The following EGFR variants were observed in gnomAD, a reference collection of about 807,000 sequenced individuals.
The protein encoded by EGFR is epidermal growth factor receptor.
In EGFR, 58 loss-of-function variants were observed where a neutral mutation model predicts 143.0. The observed-to-expected ratio is 0.41, with a 90% CI of 0.33 to 0.50. EGFR has a LOEUF of 0.50. EGFR is among the 20% of genes least tolerant of loss of function. EGFR has a pLI of 0.39. For missense variants in EGFR, 1,307 were observed against 1,579.0 expected, an observed-to-expected ratio of 0.83 and a Z score of 2.92; for synonymous variants, 613 against 594.4, an observed-to-expected ratio of 1.03 and a Z score of -0.45.
intron 1 of EGFR, among the ~76,000 whole-genome samples, chr7:55,052,869 C>T (rs1436576896): frequency 6.6e-6 from 1 of 152,126 alleles, no homozygotes; most frequent in Non-Finnish European, 1.5e-5. Context: ...GGCAGGAGCT[C>T]GCACAGCTCT....
At chr7:55,168,782 G>T in intron 15 of EGFR, 2 of 526,646 alleles carry the variant, frequency 3.8e-6, no homozygotes, top group Non-Finnish European at 6.4e-6. Context: ...GGAATTACAC[G>T]ATAGAAATGG....
At chr7:55,159,980 C>T (rs1243651944) in intron 11 of EGFR, among the ~76,000 whole-genome samples, 159 bp from the exon 12 acceptor site, 1 of 152,234 alleles carries the variant, frequency 6.6e-6, no homozygotes, top group Non-Finnish European at 1.5e-5. Flanking sequence ...AAAACACCTG[C>T]AGTTTTCAAA....
chr7:55,188,395 G>A (rs948634269), intron 20 of EGFR, among the ~76,000 whole-genome samples: 2 of 152,272 alleles, frequency 1.3e-5, no homozygotes, highest in African/African-American at 2.4e-5. Context: ...TCACTCTGGG[G>A]TACCCTGCCA....
intron 20 of EGFR, among the ~76,000 whole-genome samples, chr7:55,184,323 T>G (rs1441299900): frequency 3.3e-5 from 5 of 152,228 alleles, no homozygotes; most frequent in Admixed American, 6.5e-5. Context: ...TCTACATCTG[T>G]GCCAACCCTC....
chr7:55,152,313 G>T (rs762221280), intron 5 of EGFR: 13 of 720,886 alleles, frequency 1.8e-5, no homozygotes, highest in Non-Finnish European at 3.1e-5. Context: ...TATTTAGCAG[G>T]TCTCAAAGTC....
At chr7:55,039,325 A>C (rs1285704277) in intron 1 of EGFR, among the ~76,000 whole-genome samples, 1 of 152,200 alleles carries the variant, frequency 6.6e-6, no homozygotes, top group Non-Finnish European at 1.5e-5. Flanking sequence ...CTGTCCTGTG[A>C]TGCTGTAAGG....
At position 55,121,158 on chromosome 7, in the gene EGFR, A is replaced by G. The variant is rs17336226; in HGVS notation, c.89-21128A>G. Among the ~76,000 whole-genome samples, 827 of 152,344 alleles carry G rather than the reference A, an allele frequency of 5.4e-3. 9 individuals carry two copies. Among genetic ancestry groups the G allele is most frequent in the African/African-American group, 0.019 (799 of 41,592 alleles). On this transcript the variant is annotated intron_variant, in intron 1 of 27. Transcript: ENST00000275493. ...TAGCATGAAAACAAGAGCTCCTCAC[A>G]CTGTCCTCTTCAGAAAGCCCATACA...
In EGFR at chr7:55,175,526, C is replaced by T. The variant is rs190998850; in HGVS notation, c.2283+706C>T. Among the ~76,000 whole-genome samples, 8 of 152,318 alleles carry T rather than the reference C, an allele frequency of 5.3e-5. No homozygotes were observed. The East Asian group carries it at 5.8e-4, about 11-fold the overall frequency. ...GATGCTGGCTGGAGTCTGACAGAGC[C>T]TCTTCTACACTGGCCTGGGCTTGCT... On this transcript the variant is annotated intron_variant, in intron 19 of 27. Transcript: ENST00000275493.
intron 1 of EGFR, among the ~76,000 whole-genome samples, chr7:55,057,022 A>G (rs1456687072): frequency 2.6e-5 from 4 of 152,210 alleles, no homozygotes; most frequent in Admixed American, 6.5e-5. Context: ...TGAAGGCACA[A>G]GGATGCGCAG....
At chr7:55,052,419 A>G (rs73420783) in intron 1 of EGFR, among the ~76,000 whole-genome samples, 6,604 of 152,304 alleles carry the variant, frequency 0.043, 273 homozygotes, top group South Asian at 0.13. Flanking sequence ...CGCCCACTTT[A>G]GAGCCCTTCT....
chr7:55,084,365 C>A lies in EGFR; in HGVS notation c.89-57921C>A, dbSNP rs201851311. 1.8e-4 allele frequency among the ~76,000 whole-genome samples: 27 copies of A among 152,316 alleles called. No individual in the cohort carries two copies. In the East Asian group the frequency reaches 4.1e-3, roughly 23 times the overall value. On this transcript the variant is annotated intron_variant, in intron 1 of 27. Coordinates refer to ENST00000275493, the MANE Select transcript of EGFR (RefSeq NM_005228.5). ...TAGCATGGCCGCCTGCTTCTCCAGGCCCAGTGGGAAAGCATGTGCCTCCAG... is the reference window on the plus strand; with the variant it reads ...TAGCATGGCCGCCTGCTTCTCCAGGACCAGTGGGAAAGCATGTGCCTCCAG...
At chr7:55,204,711 C>T (rs887119751) in intron 27 of EGFR, among the ~76,000 whole-genome samples, 2 of 146,002 alleles carry the variant, frequency 1.4e-5, no homozygotes, top group African/African-American at 5.1e-5. Flanking sequence ...AGACACACCA[C>T]ATACACACCC....
intron 1 of EGFR, among the ~76,000 whole-genome samples, chr7:55,036,991 C>T (rs898582393): frequency 6.6e-6 from 1 of 152,138 alleles, no homozygotes; most frequent in Non-Finnish European, 1.5e-5. Context: ...AAAATCAACC[C>T]CTTGGTGAAG....
At chr7:55,144,396 G>T (rs1794643503) in intron 3 of EGFR, among the ~76,000 whole-genome samples, 1 of 152,248 alleles carries the variant, frequency 6.6e-6, no homozygotes, top group South Asian at 2.1e-4. Context: ...CTAGTGAATG[G>T]AGAGGCCAGC....
At chr7:55,138,470 A>T (rs1381122018) in intron 1 of EGFR, among the ~76,000 whole-genome samples, 1 of 152,162 alleles carries the variant, frequency 6.6e-6, no homozygotes. Flanking sequence ...CTATGTATTC[A>T]TTTTTCTTTC....
intron 12 of EGFR, among the ~76,000 whole-genome samples, chr7:55,160,950 T>A (rs1401804303): frequency 6.6e-6 from 1 of 152,218 alleles, no homozygotes; most frequent in East Asian, 1.9e-4. Context: ...TTCCTGTGTG[T>A]AAAACCCTTC....
chr7:55,170,512 T>A (rs767248396), intron 15 of EGFR: 1 of 1,613,838 alleles, frequency 6.2e-7, no homozygotes, highest in East Asian at 2.2e-5. Flanking sequence ...GCCTTCTGCA[T>A]CTGTGATCAT....
chr7:55,188,644 C>G (rs538464649), intron 20 of EGFR, among the ~76,000 whole-genome samples: 1 of 152,128 alleles, frequency 6.6e-6, no homozygotes, highest in Non-Finnish European at 1.5e-5. Context: ...TTTCTTCCTG[C>G]GACCTCTGCT....
intron 1 of EGFR, among the ~76,000 whole-genome samples, chr7:55,066,522 G>A (rs1403288711): frequency 2.0e-4 from 30 of 152,214 alleles, no homozygotes; most frequent in Admixed American, 2.0e-3. Flanking sequence ...AAGCAAATCA[G>A]TTTCTAACTC....
Sources: allele counts gnomAD v4.1 joint callset (sites outside exome capture counted in the v4.1 genomes callset), GRCh38; gene constraint gnomAD v4.1.1; transcripts MANE v1.5; gene names NCBI Gene and HGNC (gene_info 2026-07-23, HGNC 2026-07-21).